The following TBC1D21 variants were observed in gnomAD, a reference collection of about 807,000 sequenced individuals.
TBC1D21 encodes the protein TBC1 domain family member 21, also known as male germ cell Rab GTPase-activating protein.
A neutral mutation model predicts 46.0 loss-of-function variants in TBC1D21; 38 were observed. The ratio of observed to expected loss-of-function variants is 0.83; its 90% confidence interval spans 0.64 to 1.08. The LOEUF is 1.08. TBC1D21 is among the 50% of genes least tolerant of loss of function. TBC1D21 has a pLI of 0.00. For synonymous variants in TBC1D21, 151 were observed against 157.2 expected, an observed-to-expected ratio of 0.96 and a Z score of 0.29; for missense variants, 415 against 417.9, an observed-to-expected ratio of 0.99 and a Z score of 0.06.
downstream of TBC1D21, chr15:73,889,233 A>C: frequency 8.8e-7 from 1 of 1,136,814 alleles, no homozygotes. Flanking sequence ...GGTGGATGCT[A>C]TGTCTTTGAC....
At chr15:73,881,858 G>T in intron 3 of TBC1D21, 111 bp downstream of exon 3, 1 of 961,162 alleles carries the variant, frequency 1.0e-6, no homozygotes, top group Non-Finnish European at 1.6e-6. Context: ...TATTCCGAGA[G>T]GAACCCCATG....
intron 1 of TBC1D21, 133 bp downstream of exon 1, chr15:73,873,902 CT>C: frequency 1.0e-6 from 1 of 994,324 alleles, no homozygotes; most frequent in Non-Finnish European, 1.5e-6. Context: ...GCGGTTGTAC[CT>C]TACTCTTACC....
intron 1 of TBC1D21, 125 bp from the exon 2 acceptor site, chr15:73,881,274 T>C: frequency 1.5e-6 from 1 of 661,220 alleles, no homozygotes; most frequent in Non-Finnish European, 2.6e-6. Context: ...TCAAGATAGA[T>C]TTCCGAAGTA....
chr15:73,880,775 TAA>T (rs1423663267), intron 1 of TBC1D21, among the ~76,000 whole-genome samples: 3 of 152,088 alleles, frequency 2.0e-5, no homozygotes, highest in African/African-American at 7.2e-5. Flanking sequence ...TCTCGAAAAA[TAA>T]AAAATACAAG....
chr15:73,891,886 C>T (rs1316010378), downstream of TBC1D21, among the ~76,000 whole-genome samples: 2 of 152,226 alleles, frequency 1.3e-5, no homozygotes, highest in Non-Finnish European at 2.9e-5. Flanking sequence ...TCATCATGAA[C>T]AGCCTGGGCA....
At chr15:73,881,818 C>A (rs1323456634) in intron 3 of TBC1D21, 71 bp downstream of exon 3, 11 of 1,365,744 alleles carry the variant, frequency 8.1e-6, no homozygotes, top group Non-Finnish European at 1.0e-5. Context: ...CCCCAGCCTG[C>A]AGACTATCTT....
At position 73,874,139 on chromosome 15, in the gene TBC1D21, G is replaced by A. The variant is rs1736492743; in HGVS notation, c.60+370G>A. ...TTGTTAGTAGGTAGTTCTAAACCCA[G>A]TTTACAAGATACAGCTATTTGTTAG... On this transcript the variant is annotated intron_variant, in intron 1 of 10. Coordinates refer to ENST00000300504, the MANE Select transcript of TBC1D21 (RefSeq NM_153356.3). Among the ~76,000 whole-genome samples the A allele has an allele frequency of 1.3e-5, 2 of 152,202 alleles. 1 individual carries two copies. Among genetic ancestry groups the A allele is most frequent in the South Asian group, 4.1e-4 (2 of 4,832 alleles).
intron 1 of TBC1D21, among the ~76,000 whole-genome samples, chr15:73,879,465 G>C (rs918271684): frequency 6.6e-6 from 1 of 152,112 alleles, no homozygotes; most frequent in African/African-American, 2.4e-5. Flanking sequence ...TGATCTGCCA[G>C]CTTGGGCCTT....
chr15:73,882,073 C>G (rs2068165694), intron 3 of TBC1D21, among the ~76,000 whole-genome samples: 1 of 152,032 alleles, frequency 6.6e-6, no homozygotes, highest in Admixed American at 6.5e-5. Context: ...GTCTGCCACC[C>G]TCTTCCCTGG....
At chr15:73,882,620 G>A (rs1326343143) in intron 3 of TBC1D21, among the ~76,000 whole-genome samples, 1 of 152,174 alleles carries the variant, frequency 6.6e-6, no homozygotes, top group African/African-American at 2.4e-5. Flanking sequence ...CTTGGATTTG[G>A]AAACCGGGTT....
chr15:73,880,567 TC>T (rs1046854398), intron 1 of TBC1D21, among the ~76,000 whole-genome samples: 1 of 152,036 alleles, frequency 6.6e-6, no homozygotes, highest in African/African-American at 2.4e-5. Flanking sequence ...GGCCAAGAGA[TC>T]AAGACCATCC....
intron 9 of TBC1D21, among the ~76,000 whole-genome samples, 154 bp from the exon 10 acceptor site, chr15:73,888,276 G>A (rs2068286357): frequency 6.6e-6 from 1 of 152,204 alleles, no homozygotes; most frequent in Admixed American, 6.5e-5. Context: ...TAGGCATTGA[G>A]CCAAGCAGGC....
chr15:73,894,196 C>T (rs949849098), downstream of TBC1D21, among the ~76,000 whole-genome samples: 40 of 152,338 alleles, frequency 2.6e-4, no homozygotes, highest in African/African-American at 8.9e-4. Context: ...GGGCAGCTTC[C>T]GTTTTCACCT....
intron 1 of TBC1D21, among the ~76,000 whole-genome samples, chr15:73,879,575 G>A (rs901239212): frequency 6.6e-6 from 1 of 152,102 alleles, no homozygotes; most frequent in Admixed American, 6.5e-5. Flanking sequence ...AGCATCACCT[G>A]TTACTCAGGA....
intron 1 of TBC1D21, among the ~76,000 whole-genome samples, chr15:73,877,299 T>C (rs1461710488): frequency 1.3e-5 from 2 of 151,950 alleles, no homozygotes; most frequent in African/African-American, 2.4e-5. Flanking sequence ...TTTTTTAAAG[T>C]GAGTTGGAAG....
At position 73,881,507 on chromosome 15, in the gene TBC1D21, G is replaced by T. The variant is rs2068154124; in HGVS notation, c.168+1G>T. On this transcript the variant is annotated splice_donor_variant, in intron 2 of 10. Coordinates refer to ENST00000300504, the MANE Select transcript of TBC1D21 (RefSeq NM_153356.3). LOFTEE classifies it high-confidence loss of function. ...CATTTGTGTTAACATCCTGGAAAGGGTGGGTCCCCAAGCTACCCTTGGCCT... is the reference window on the plus strand; with the variant it reads ...CATTTGTGTTAACATCCTGGAAAGGTTGGGTCCCCAAGCTACCCTTGGCCT... 1 of 1,614,008 alleles carries T rather than the reference G, an allele frequency of 6.2e-7. No homozygotes were observed. The highest frequency in any genetic ancestry group is 8.5e-7 in the Non-Finnish European group (1 of 1,179,902).
intron 3 of TBC1D21, among the ~76,000 whole-genome samples, chr15:73,883,754 G>T (rs751950199): frequency 6.6e-6 from 1 of 152,164 alleles, no homozygotes; most frequent in Non-Finnish European, 1.5e-5. Context: ...ACAAAACACC[G>T]CCTCACTCAG....
chr15:73,895,187 A>C, the TBC1D21 span, among the ~76,000 whole-genome samples: 3 of 152,202 alleles, frequency 2.0e-5, no homozygotes, highest in Non-Finnish European at 4.4e-5. Context: ...AGAACACCTG[A>C]GTTCAGAACA....
chr15:73,886,108 G>C lies in TBC1D21; in HGVS notation c.610G>C (p.Ala204Pro). Residue 204 changes from alanine to proline, a missense_variant, in exon 7 of 11, where the codon GCC becomes CCC. Coordinates refer to ENST00000300504, the MANE Select transcript of TBC1D21 (RefSeq NM_153356.3). ...CAGCTGTGTCATCAACATTGGCGTG[G>C]CCAAGAACCTAGACATGCTCAGCAC... Reference protein sequence around the residue: ...EHSCVINIGVAKNLDMLSTLI... With the variant: ...EHSCVINIGVPKNLDMLSTLI... 6.2e-7 allele frequency: 1 copy of C among 1,614,188 alleles called. No individual in the cohort carries two copies. Among genetic ancestry groups the C allele is most frequent in the Middle Eastern group, 1.6e-4 (1 of 6,062 alleles).
Sources: gnomAD v4.1 joint callset for allele counts (sites outside exome capture counted in the v4.1 genomes callset) on GRCh38, gnomAD v4.1.1 for gene constraint, MANE v1.5 for transcripts, NCBI Gene and HGNC (gene_info 2026-07-23, HGNC 2026-07-21) for gene names.